Variants in GAP43 observed in about 807,000 individuals in gnomAD.
The protein encoded by GAP43 is neuromodulin.
GAP43 carries 6 observed loss-of-function variants against 18.6 expected under a neutral mutation model. That is an observed-to-expected ratio of 0.32 (90% CI 0.18 to 0.64). The LOEUF (loss-of-function observed/expected upper bound fraction) is 0.64, where lower values mean the gene tolerates loss of function less well. Among genes scored for constraint, GAP43 ranks in the 30% least tolerant of loss-of-function variants. The pLI, the probability that GAP43 is intolerant of heterozygous loss-of-function variation, is 0.78. For synonymous variants in GAP43, 115 were observed against 111.4 expected, an observed-to-expected ratio of 1.03 and a Z score of -0.20; for missense variants, 292 against 295.5, an observed-to-expected ratio of 0.99 and a Z score of 0.09.
intron 1 of GAP43, among the ~76,000 whole-genome samples, chr3:115,661,710 G>C (rs34445778): frequency 6.6e-6 from 1 of 151,658 alleles, no homozygotes; most frequent in Non-Finnish European, 1.5e-5. Flanking sequence ...GGATGGTCTC[G>C]ATCTCCTGAC....
chr3:115,698,139 T>TTA (rs1559804282), intron 2 of GAP43, among the ~76,000 whole-genome samples: 40 of 14,600 alleles, frequency 2.7e-3, no homozygotes, highest in Admixed American at 1.0e-2. Context: ...ATAATATATA[T>TTA]AATATATATT....
At chr3:115,658,098 A>T (rs1708610127) in intron 1 of GAP43, among the ~76,000 whole-genome samples, 1 of 152,200 alleles carries the variant, frequency 6.6e-6, no homozygotes, top group Admixed American at 6.5e-5. Flanking sequence ...AACATACTGC[A>T]CACTACTTCA....
At chr3:115,645,073 T>C (rs1708441843) in intron 1 of GAP43, among the ~76,000 whole-genome samples, 1 of 152,046 alleles carries the variant, frequency 6.6e-6, no homozygotes. Flanking sequence ...GATCATCTAT[T>C]GCTTTCATGG....
rs183875777 is a variant in GAP43 at position 115,692,837 on chromosome 3, T to C, written c.628+16227T>C. On this transcript the variant is annotated intron_variant, in intron 2 of 2. Transcript: ENST00000305124. ...CACTTATGAATTCAGTTCAAAGATATTAATATTATTTCAGCATACCTGTTA... is the reference window on the plus strand; with the variant it reads ...CACTTATGAATTCAGTTCAAAGATACTAATATTATTTCAGCATACCTGTTA... Among the ~76,000 whole-genome samples the C allele has an allele frequency of 1.4e-3, 206 of 152,330 alleles. 2 individuals carry two copies. The highest frequency in any genetic ancestry group is 4.8e-3 in the African/African-American group (198 of 41,580).
At chr3:115,708,016 T>C (rs2895427) in intron 2 of GAP43, among the ~76,000 whole-genome samples, 81 of 31,044 alleles carry the variant, frequency 2.6e-3, no homozygotes, top group Admixed American at 6.5e-3. Context: ...CACACACACA[T>C]ATATATATAC....
chr3:115,696,739 C>T (rs554056715), intron 2 of GAP43, among the ~76,000 whole-genome samples: 10 of 152,020 alleles, frequency 6.6e-5, no homozygotes, highest in Admixed American at 1.3e-4. Flanking sequence ...ACTTTCTCTT[C>T]GTTTAATATT....
intron 2 of GAP43, among the ~76,000 whole-genome samples, chr3:115,713,376 T>G (rs1292940210): frequency 1.3e-5 from 2 of 152,026 alleles, no homozygotes; most frequent in East Asian, 3.9e-4. Flanking sequence ...TCCCAAGAGG[T>G]AATGTTTTAC....
intron 1 of GAP43, among the ~76,000 whole-genome samples, chr3:115,665,629 T>C (rs1708722641): frequency 6.6e-6 from 1 of 151,972 alleles, no homozygotes; most frequent in Admixed American, 6.6e-5. Flanking sequence ...GCAAATGGGG[T>C]CTTAAATTCC....
chr3:115,647,585 G>A (rs1233022547), intron 1 of GAP43, among the ~76,000 whole-genome samples: 2 of 151,878 alleles, frequency 1.3e-5, no homozygotes, highest in Admixed American at 1.3e-4. Context: ...GAGAGTAGAA[G>A]GCATTCCAGA....
At chr3:115,719,153 G>T (rs1338911272) in intron 2 of GAP43, among the ~76,000 whole-genome samples, 1 of 152,082 alleles carries the variant, frequency 6.6e-6, no homozygotes, top group Non-Finnish European at 1.5e-5. Flanking sequence ...AAAATTACAT[G>T]GACTCCAGTT....
At chr3:115,672,626 A>G (rs937572773) in intron 1 of GAP43, among the ~76,000 whole-genome samples, 2 of 152,156 alleles carry the variant, frequency 1.3e-5, no homozygotes, top group Admixed American at 1.3e-4. Context: ...ATTTTTATTT[A>G]TGGATGTCTC....
chr3:115,664,450 T>C (rs988898473), intron 1 of GAP43, among the ~76,000 whole-genome samples: 2 of 152,190 alleles, frequency 1.3e-5, no homozygotes, highest in Admixed American at 1.3e-4. Flanking sequence ...TACTATTTTC[T>C]TTCATCCTCA....
chr3:115,671,455 T>G (rs1708814205), intron 1 of GAP43, among the ~76,000 whole-genome samples: 1 of 152,200 alleles, frequency 6.6e-6, no homozygotes, highest in Non-Finnish European at 1.5e-5. Context: ...TTAATGTTTG[T>G]TTAAAAAGTA....
intron 2 of GAP43, among the ~76,000 whole-genome samples, chr3:115,689,259 AC>A (rs1709072474): frequency 6.6e-6 from 1 of 152,164 alleles, no homozygotes; most frequent in African/African-American, 2.4e-5. Flanking sequence ...GCCTAAAACG[AC>A]TGTGTTTATC....
At chr3:115,709,842 TAC>T (rs1195134973) in intron 2 of GAP43, among the ~76,000 whole-genome samples, 19 of 68,930 alleles carry the variant, frequency 2.8e-4, no homozygotes, top group East Asian at 6.6e-4. Flanking sequence ...TACATGAACA[TAC>T]ATATATATAT....
intron 2 of GAP43, among the ~76,000 whole-genome samples, chr3:115,682,298 ACATCAGT>A (rs2107351717): frequency 6.6e-6 from 1 of 152,334 alleles, no homozygotes; most frequent in South Asian, 2.1e-4. Flanking sequence ...TCCATCAAAT[ACATCAGT>A]TATGCCAGGA....
Position 115,708,940 on chromosome 3 carries a change from G to GTTTTTT in GAP43, c.629-11835_629-11830dup, listed in dbSNP as rs3086974. 1.6e-3 allele frequency among the ~76,000 whole-genome samples: 162 copies of GTTTTTT among 99,766 alleles called. 2 individuals carry two copies. The highest frequency in any genetic ancestry group is 6.3e-3 in the African/African-American group (152 of 24,134). 65.5% of individuals were successfully genotyped at this position (99,766 alleles called of 152,430 possible). The stretch of plus-strand genomic sequence containing the variant: ...ACAGATGATATTGACAACTGGCTGG[G>GTTTTTT]TTTTTTTTTTTTTTTTTTTTTTTTG... On this transcript the variant is annotated intron_variant, in intron 2 of 2. Transcript: ENST00000305124.
intron 2 of GAP43, among the ~76,000 whole-genome samples, chr3:115,695,328 A>G (rs1033343277): frequency 1.3e-5 from 2 of 152,228 alleles, no homozygotes; most frequent in Non-Finnish European, 2.9e-5. Context: ...CAACATTTCC[A>G]GAAATTTCAT....
chr3:115,699,078 T>C (rs1412016575), intron 2 of GAP43, among the ~76,000 whole-genome samples: 2 of 152,160 alleles, frequency 1.3e-5, no homozygotes, highest in Non-Finnish European at 2.9e-5. Context: ...CAATTGTTGA[T>C]TGTGTCTGTC....
Sources: gnomAD v4.1 joint callset for allele counts (sites outside exome capture counted in the v4.1 genomes callset) on GRCh38, gnomAD v4.1.1 for gene constraint, MANE v1.5 for transcripts, NCBI Gene and HGNC (gene_info 2026-07-23, HGNC 2026-07-21) for gene names.